CLEC10A: variants seen among roughly 807,000 people sequenced by gnomAD.
CLEC10A encodes the protein C-type lectin domain family 10 member A.
Under a neutral mutation model 42.0 loss-of-function variants are expected in CLEC10A, and 38 were observed. That is an observed-to-expected ratio of 0.90 (90% CI 0.70 to 1.18). The LOEUF (loss-of-function observed/expected upper bound fraction) is 1.18. CLEC10A is among the 50% of genes most tolerant of loss of function. CLEC10A has a pLI of 0.00. For missense variants in CLEC10A, 298 were observed against 345.9 expected (o/e 0.86, Z 1.10); for synonymous variants, 126 against 139.9 (o/e 0.90, Z 0.70).
intron 1 of CLEC10A, 96 bp from the exon 2 acceptor site, chr17:7,078,981 A>T (rs1912023380): frequency 1.5e-6 from 1 of 663,228 alleles, no homozygotes. Context: ...CCCAGGGTTA[A>T]GACGGAAATG....
chr17:7,076,177 G>C, intron 5 of CLEC10A, 106 bp from the exon 6 acceptor site: 1 of 1,606,234 alleles, frequency 6.2e-7, no homozygotes, highest in Non-Finnish European at 8.5e-7. Flanking sequence ...GCCAGGGAAT[G>C]TTCCTTCCCG....
Position 7,074,775 on chromosome 17 carries a change from A to T in CLEC10A, c.*279T>A, listed in dbSNP as rs1032551740. 1 of 273,238 alleles carries T rather than the reference A, an allele frequency of 3.7e-6. No homozygotes were observed. Among genetic ancestry groups the T allele is most frequent in the Admixed American group, 5.3e-5 (1 of 18,712 alleles). The allele number at this position is 273,238 out of a possible 1,614,324, so 16.9% of individuals were successfully genotyped here. ...CGGAGTGGTAGTCACCTAGGCATGC[A>T]TATTTGTCAAAGTCATCTCTACTCT... On this transcript the variant is annotated 3_prime_UTR_variant, in exon 9 of 9. Transcript: ENST00000416562.
chr17:7,077,702 G>A (rs1250298743), intron 3 of CLEC10A, among the ~76,000 whole-genome samples: 1 of 50,646 alleles, frequency 2.0e-5, no homozygotes, highest in African/African-American at 9.2e-5. Context: ...CTCCATCAGT[G>A]CCCCCCTACC....
rs955773330 is a variant in CLEC10A, at chr17:7,076,235, C to T, written c.353-164G>A. 2.2e-5 allele frequency: 29 copies of T among 1,319,750 alleles called. No homozygotes were observed. In the African/African-American group the frequency reaches 2.5e-4, roughly 12 times the overall value. 81.8% of individuals were successfully genotyped at this position (1,319,750 alleles called of 1,614,324 possible). A position where few individuals can be genotyped will look rare whatever the true frequency, so the allele number is the denominator to read the frequency against. On this transcript the variant is annotated intron_variant, in intron 5 of 8. Coordinates refer to ENST00000416562, the MANE Select transcript of CLEC10A (RefSeq NM_001330070.2). ...TGGCCAGGTACAGCCATCAAATCTG[C>T]TTTGGATTCCTCTGCCCCTGTTTCT...
In CLEC10A at chr17:7,076,945, A is replaced by C; in HGVS notation, c.227T>G (p.Phe76Cys). 1 of 1,613,858 alleles carries C rather than the reference A, an allele frequency of 6.2e-7. No individual in the cohort carries two copies. The highest frequency in any genetic ancestry group is 8.5e-7 in the Non-Finnish European group (1 of 1,179,966). The change falls in exon 4 of 9, where the codon TTT (phenylalanine) becomes TGT (cysteine). Residue 76 changes from phenylalanine (F) to cysteine (C), a missense_variant. This residue lies in a region of CLEC10A where 267 missense variants were observed against 289.5 expected (regional missense o/e 0.92). Transcript: ENST00000416562. ...CACAGTGTTTGAGGTGAAGTTGCTAAAATCTGTTCTCAGGGTCACCAGGTC... is the reference window on the plus strand; with the variant it reads ...CACAGTGTTTGAGGTGAAGTTGCTACAATCTGTTCTCAGGGTCACCAGGTC... ...QRDLVTLRTD[F>C]SNFTSNTVAE...
In CLEC10A at chr17:7,074,967, C is replaced by T; in HGVS notation, c.*87G>A. 8.9e-7 allele frequency: 1 copy of T among 1,127,614 alleles called. No homozygotes were observed. The highest frequency in any genetic ancestry group is 1.2e-6 in the Non-Finnish European group (1 of 830,262). The allele number at this position is 1,127,614 out of a possible 1,614,324, so 69.9% of individuals were successfully genotyped here. ...TTCCAATCTCCCAGTGCTTATTTCT[C>T]TCCCAGAGCGGTCTTGCGAGGAGGT... On this transcript the variant is annotated 3_prime_UTR_variant, in exon 9 of 9. Coordinates refer to ENST00000416562, the MANE Select transcript of CLEC10A (RefSeq NM_001330070.2).
chr17:7,078,450 T>C (rs559913453), intron 2 of CLEC10A: 494 of 518,192 alleles, frequency 9.5e-4, no homozygotes, highest in Non-Finnish European at 1.3e-3. Flanking sequence ...TGCTGGACAA[T>C]CAGGTTCACA....
chr17:7,078,655 AG>A (rs1228538119), intron 2 of CLEC10A, 90 bp downstream of exon 2: 17 of 1,242,780 alleles, frequency 1.4e-5, no homozygotes, highest in Admixed American at 3.4e-5. Context: ...AGGACCCACC[AG>A]TGCGCGTGGT....
At chr17:7,077,352 T>C (rs1265131744) in intron 3 of CLEC10A, among the ~76,000 whole-genome samples, 2,343 of 92,256 alleles carry the variant, frequency 0.025, 1 homozygote, top group East Asian at 0.032. Context: ...CCATCAGTGC[T>C]CCGACCACTG....
rs1911699150 is a variant in CLEC10A at position 7,075,863 on chromosome 17, G to A, written c.462C>T (p.Cys154=). 3.7e-6 allele frequency: 6 copies of A among 1,613,424 alleles called. No homozygotes were observed. The highest frequency in any genetic ancestry group is 5.1e-6 in the Non-Finnish European group (6 of 1,179,786). Residue 154 remains cysteine (C), a synonymous_variant, in exon 7 of 9, where the codon TGC becomes TGT. Coordinates refer to ENST00000416562, the MANE Select transcript of CLEC10A (RefSeq NM_001330070.2). ...CTTGGTGCTCCACCCAGTTGACAGG[G>A]CAGCAGGTCCCTTCAGTGGAGGCTG... ...NNNASTEGTC[C]PVNWVEHQDS... is the part of the protein sequence containing the mutation.
At position 7,078,016 on chromosome 17, in the gene CLEC10A, G is replaced by C; in HGVS notation, c.165C>G (p.Ile55Met). Residue 55 changes from isoleucine (I) to methionine (M), a missense_variant, in exon 3 of 9, where the codon ATC becomes ATG. Physicochemically the swap from Ile to Met is conservative, Grantham distance 10. Transcript: ENST00000416562. ...LGLGLLLLVI[I>M]CVVGFQNSKF... Reference sequence around the variant, plus strand: ...CCTCACTTTGGAATCCAACCACACAGATGATGACCAGCAGCAGGAGGCCGA... The same window carrying C: ...CCTCACTTTGGAATCCAACCACACACATGATGACCAGCAGCAGGAGGCCGA... The C allele has an allele frequency of 6.2e-7, 1 of 1,613,334 alleles. No individual in the cohort carries two copies. Among genetic ancestry groups the C allele is most frequent in the Non-Finnish European group, 8.5e-7 (1 of 1,179,380 alleles).
In CLEC10A at chr17:7,075,093, G is replaced by A. The variant is rs147465833; in HGVS notation, c.831C>T (p.Cys277=). The A allele has an allele frequency of 1.4e-5, 22 of 1,598,030 alleles. No individual in the cohort carries two copies. Among genetic ancestry groups the A allele is most frequent in the South Asian group, 5.6e-5 (5 of 88,726 alleles). The change falls in exon 9 of 9, where the codon TGC becomes TGT. Residue 277 remains cysteine (C), a synonymous_variant. Transcript: ENST00000416562. ...GGCTGGTCTGACCCAGGCCAGCCTCGCAGACCCAGTGGTAGGGCCTCTGGC... is the reference window on the plus strand; with the variant it reads ...GGCTGGTCTGACCCAGGCCAGCCTCACAGACCCAGTGGTAGGGCCTCTGGC... The part of the protein sequence containing the change: ...DVCQRPYHWV[C]EAGLGQTSQE...
Position 7,076,804 on chromosome 17 carries a change from C to CT in CLEC10A, c.281-1_281insA (p.Gly94GlufsTer14), listed in dbSNP as rs772173340. Reference sequence around the variant, plus strand: ...TGCTATCGTTTCTTCCAAGCTGCTGCCTGGAGGACACGGAGACTTGGCTTA... The same window carrying CT: ...TGCTATCGTTTCTTCCAAGCTGCTGCTCTGGAGGACACGGAGACTTGGCTTA... On this transcript the variant is annotated frameshift_variant and splice_region_variant. Transcript: ENST00000416562. LOFTEE classifies it high-confidence loss of function. The CT allele has an allele frequency of 9.9e-6, 16 of 1,613,816 alleles. No homozygotes were observed. The Admixed American group carries it at 2.0e-4, about 20-fold the overall frequency.
chr17:7,078,123 G>C lies in CLEC10A; in HGVS notation c.68-10C>G. ...TGGAGAGGAAGTGGCCCTGCAAGAG[G>C]AGAGAGTGTCAGGATGAGGAGGGTC... On this transcript the variant is annotated splice_polypyrimidine_tract_variant and intron_variant, in intron 2 of 8. Transcript: ENST00000416562. The C allele has an allele frequency of 6.3e-7, 1 of 1,599,030 alleles. No homozygotes were observed. The highest frequency in any genetic ancestry group is 8.6e-7 in the Non-Finnish European group (1 of 1,167,330).
rs1468101968 is a variant in CLEC10A at position 7,075,761 on chromosome 17, G to C, written c.564C>G (p.His188Gln). The change falls in exon 7 of 9, where the codon CAC becomes CAG. Residue 188 changes from histidine (H) to glutamine (Q), a missense_variant. By Grantham distance (24) the His-to-Gln change is conservative. This residue lies in a region of CLEC10A where 267 missense variants were observed against 289.5 expected (regional missense o/e 0.92). Coordinates refer to ENST00000416562, the MANE Select transcript of CLEC10A (RefSeq NM_001330070.2). ...AEKYCQLKNA[H>Q]LVVINSREEQ... ...CCTCCCTGGAGTTGATGACCACCAG[G>C]TGGGCGTTCTTCAGCTGGCAGTACT... 6.2e-7 allele frequency: 1 copy of C among 1,614,192 alleles called. No homozygotes were observed.
chr17:7,079,899 A>G (rs1912074529), intron 1 of CLEC10A, among the ~76,000 whole-genome samples, 153 bp downstream of exon 1: 1 of 151,932 alleles, frequency 6.6e-6, no homozygotes. Context: ...TGAAGGGAAC[A>G]GAGTCTCAAA....
rs1364974235 is a variant in CLEC10A, at chr17:7,075,819, G to A, written c.506C>T (p.Ser169Phe). The A allele has an allele frequency of 2.5e-6, 4 of 1,614,090 alleles. No individual in the cohort carries two copies. The highest frequency in any genetic ancestry group is 1.1e-5 in the South Asian group (1 of 91,092). The change falls in exon 7 of 9, where the codon TCT (serine) becomes TTT (phenylalanine). Residue 169 changes from serine to phenylalanine, a missense_variant. Coordinates refer to ENST00000416562, the MANE Select transcript of CLEC10A (RefSeq NM_001330070.2). ...CTCGGCCCAGGACATCCCAGAGTGA[G>A]AGAACCAGTAGCAGCTGTCTTGGTG... is the stretch of plus-strand genomic sequence containing the variant. ...VEHQDSCYWF[S>F]HSGMSWAEAE...
At position 7,078,880 on chromosome 17, in the gene CLEC10A, G is replaced by C; in HGVS notation, c.-68C>G. 1.4e-6 allele frequency: 2 copies of C among 1,477,024 alleles called. No individual in the cohort carries two copies. Among genetic ancestry groups the C allele is most frequent in the Non-Finnish European group, 9.5e-7 (1 of 1,055,202 alleles). 91.5% of individuals were successfully genotyped at this position (1,477,024 alleles called of 1,614,324 possible). ...AGGCAGGGCCGGCGCCCAGTCTGGGGTGGAGCTGGGGAATAGGAGGTTGGG... is the reference window on the plus strand; with the variant it reads ...AGGCAGGGCCGGCGCCCAGTCTGGGCTGGAGCTGGGGAATAGGAGGTTGGG... On this transcript the variant is annotated 5_prime_UTR_variant, in exon 2 of 9. Transcript: ENST00000416562.
chr17:7,080,100 G>A lies in CLEC10A; in HGVS notation c.-122C>T, dbSNP rs1912085752. The A allele has an allele frequency of 6.6e-6, 1 of 152,358 alleles. No homozygotes were observed. The highest frequency in any genetic ancestry group is 2.1e-4 in the South Asian group (1 of 4,832). The allele number at this position is 152,358 out of a possible 1,614,324, so 9.4% of individuals were successfully genotyped here. A position where few individuals can be genotyped will look rare whatever the true frequency, so the allele number is the denominator to read the frequency against. ...ATTCCCACGTTGGTTGTGCTGCAAG[G>A]ACCAGAGGTGGGACGTCACTCAGAG... On this transcript the variant is annotated 5_prime_UTR_variant, in exon 1 of 9. Transcript: ENST00000416562.
Sources: gnomAD v4.1 joint callset for allele counts (sites outside exome capture counted in the v4.1 genomes callset) on GRCh38, gnomAD v4.1.1 for gene constraint, gnomAD v4.1.1 regional missense constraint, MANE v1.5 for transcripts, NCBI Gene and HGNC (gene_info 2026-07-23, HGNC 2026-07-21) for gene names.